ERBIN: variants seen among roughly 807,000 people sequenced by gnomAD.
ERBIN encodes densin-180-like protein.
Under a neutral mutation model 158.4 loss-of-function variants are expected in ERBIN, and 60 were observed. The ratio of observed to expected loss-of-function variants is 0.38; its 90% CI spans 0.31 to 0.47. The LOEUF (loss-of-function observed/expected upper bound fraction) is 0.47, where lower values mean the gene tolerates loss of function less well. ERBIN is among the 20% of genes least tolerant of loss of function. ERBIN has a pLI of 0.99. For missense variants in ERBIN, 1,610 were observed against 1,648.0 expected (o/e 0.98, Z 0.40); for synonymous variants, 594 against 557.2 (o/e 1.07, Z -0.93).
intron 1 of ERBIN, among the ~76,000 whole-genome samples, chr5:65,954,753 T>A (rs1746895850): frequency 6.6e-6 from 1 of 150,908 alleles, no homozygotes; most frequent in Non-Finnish European, 1.5e-5. Context: ...AATGAGGTTT[T>A]TCAGAACTGA....
rs150470177 is a variant in ERBIN, at chr5:65,960,814, G to T, written c.-57-27821G>T. ...GTGTGTAAAAAAACTCCATCCCTTT[G>T]TCTTTATATGTTTACAGTTAGGTTC... is the stretch of plus-strand genomic sequence containing the variant. On this transcript the variant is annotated intron_variant, in intron 1 of 25. Coordinates refer to ENST00000284037, the MANE Select transcript of ERBIN (RefSeq NM_001253697.2). Among the ~76,000 whole-genome samples, 29 of 152,134 alleles carry T rather than the reference G, an allele frequency of 1.9e-4. No individual in the cohort carries two copies. The East Asian group carries it at 5.0e-3, about 26-fold the overall frequency.
At chr5:65,998,703 C>A (rs768109507) in intron 4 of ERBIN, among the ~76,000 whole-genome samples, 1 of 151,712 alleles carries the variant, frequency 6.6e-6, no homozygotes, top group Non-Finnish European at 1.5e-5. Context: ...TTGAGATCAG[C>A]CTGGGCGACA....
Position 66,053,417 on chromosome 5 carries a change from A to G in ERBIN, c.2099A>G (p.Glu700Gly). The stretch of plus-strand genomic sequence containing the variant: ...TATCTTTATTTTAGGCAAGAAGATG[A>G]AAATTTTAACAGCCTTTTACAAAAT... ...DINSKIRQED[E>G]NFNSLLQNGD... is the part of the protein sequence containing the mutation. Residue 700 changes from glutamate (E) to glycine (G), a missense_variant, in exon 21 of 26, where the codon GAA (glutamate) becomes GGA (glycine). By Grantham distance (98) the Glu-to-Gly change is moderately conservative. Transcript: ENST00000284037. 1 of 1,460,736 alleles carries G rather than the reference A, an allele frequency of 6.8e-7. No homozygotes were observed. Among genetic ancestry groups the G allele is most frequent in the Non-Finnish European group, 9.1e-7 (1 of 1,104,872 alleles). 90.5% of individuals were successfully genotyped at this position (1,460,736 alleles called of 1,614,324 possible).
At chr5:66,069,132 G>T in intron 21 of ERBIN, 4 of 964,184 alleles carry the variant, frequency 4.1e-6, no homozygotes, top group Non-Finnish European at 5.8e-6. Context: ...TAGAAACCTT[G>T]ATTTCCTCTG....
chr5:66,024,799 T>A (rs1198838450), intron 10 of ERBIN, among the ~76,000 whole-genome samples: 1 of 152,128 alleles, frequency 6.6e-6, no homozygotes, highest in Non-Finnish European at 1.5e-5. Context: ...AGAAAACAGA[T>A]CAGTTGAACA....
At chr5:65,941,983 G>C (rs1580094896) in intron 1 of ERBIN, among the ~76,000 whole-genome samples, 3 of 152,102 alleles carry the variant, frequency 2.0e-5, no homozygotes, top group South Asian at 4.1e-4. Flanking sequence ...CTCGTGATGC[G>C]CCCGCCTCGG....
At chr5:66,073,696 A>G (rs973574553) in intron 22 of ERBIN, among the ~76,000 whole-genome samples, 2 of 152,144 alleles carry the variant, frequency 1.3e-5, no homozygotes, top group African/African-American at 2.4e-5. Context: ...AAACTTTTCT[A>G]TTTGGGTTAA....
Position 66,054,137 on chromosome 5 carries a change from C to G in ERBIN, c.2819C>G (p.Thr940Arg), listed in dbSNP as rs892983849. Residue 940 changes from threonine (T) to arginine (R), a missense_variant, in exon 21 of 26, where the codon ACA becomes AGA. Thr to Arg is a moderately conservative substitution (Grantham distance 71, BLOSUM62 -1). Transcript: ENST00000284037. ...SSSSSDLISG[T>R]KAIFKFDSNH... Reference sequence around the variant, plus strand: ...TCATCTTCTGATTTAATATCAGGAACAAAGGCAATTTTCAAGTTTGATTCA... The same window carrying G: ...TCATCTTCTGATTTAATATCAGGAAGAAAGGCAATTTTCAAGTTTGATTCA... 6.2e-7 allele frequency: 1 copy of G among 1,614,102 alleles called. No homozygotes were observed. The highest frequency in any genetic ancestry group is 1.7e-5 in the Admixed American group (1 of 60,016).
chr5:65,935,331 C>T (rs1743945386), intron 1 of ERBIN, among the ~76,000 whole-genome samples: 1 of 152,120 alleles, frequency 6.6e-6, no homozygotes, highest in African/African-American at 2.4e-5. Flanking sequence ...TAATCCAGCA[C>T]CACCAGGTTC....
At chr5:66,057,457 T>C (rs1759718060) in intron 21 of ERBIN, among the ~76,000 whole-genome samples, 1 of 152,160 alleles carries the variant, frequency 6.6e-6, no homozygotes, top group Non-Finnish European at 1.5e-5. Context: ...TATTGTGCAA[T>C]AGGTTATTTT....
At chr5:66,023,507 T>G in intron 9 of ERBIN, 143 bp downstream of exon 9, 2 of 508,108 alleles carry the variant, frequency 3.9e-6, no homozygotes, top group South Asian at 7.7e-5. Flanking sequence ...CTTTTTTTCA[T>G]GAGCACATTC....
At chr5:66,011,538 T>G (rs1170283975) in intron 4 of ERBIN, among the ~76,000 whole-genome samples, 3 of 152,046 alleles carry the variant, frequency 2.0e-5, no homozygotes, top group Non-Finnish European at 4.4e-5. Context: ...AATACAAAAA[T>G]TAGCTGGGCA....
intron 1 of ERBIN, among the ~76,000 whole-genome samples, chr5:65,947,102 A>C (rs1044311204): frequency 1.3e-5 from 2 of 152,092 alleles, no homozygotes; most frequent in Non-Finnish European, 2.9e-5. Flanking sequence ...TTTAATTTTG[A>C]TGAAATCCCA....
At chr5:66,023,441 A>G (rs1755905462) in intron 9 of ERBIN, 77 bp downstream of exon 9, 1 of 767,194 alleles carries the variant, frequency 1.3e-6, no homozygotes, top group South Asian at 2.2e-5. Flanking sequence ...ACCTTTTATA[A>G]TTACTTTTAA....
intron 19 of ERBIN, among the ~76,000 whole-genome samples, chr5:66,049,000 A>G (rs895199572): frequency 1.3e-5 from 2 of 152,162 alleles, no homozygotes; most frequent in South Asian, 4.1e-4. Context: ...TTATAAAGGC[A>G]TGGACTTTAC....
At chr5:66,004,044 G>A (rs917825099) in intron 4 of ERBIN, among the ~76,000 whole-genome samples, 39 of 150,128 alleles carry the variant, frequency 2.6e-4, no homozygotes, top group African/African-American at 9.3e-4. Context: ...CTCAAGGGAG[G>A]CTTCCCCCTC....
intron 21 of ERBIN, among the ~76,000 whole-genome samples, chr5:66,058,826 G>C (rs1759919782): frequency 6.6e-6 from 1 of 151,864 alleles, no homozygotes; most frequent in Non-Finnish European, 1.5e-5. Flanking sequence ...TGTCAGGTTT[G>C]TCAAAGATCA....
chr5:65,988,414 AAT>A (rs1329018494), intron 1 of ERBIN, among the ~76,000 whole-genome samples: 1 of 150,998 alleles, frequency 6.6e-6, no homozygotes, highest in Admixed American at 6.6e-5. Flanking sequence ...GAAGCTGGTA[AAT>A]ATGTGTGTGT....
rs1762393945 is a variant in ERBIN at position 66,081,715 on chromosome 5, G to A, written c.*3185G>A. ...AAAGGGAGGCATTAAGATGGGAAAT[G>A]TTTCTCTGATGGAGATTGACGTGTG... On this transcript the variant is annotated 3_prime_UTR_variant, in exon 26 of 26. Coordinates refer to ENST00000284037, the MANE Select transcript of ERBIN (RefSeq NM_001253697.2). 1 of 152,032 alleles carries A rather than the reference G, an allele frequency of 6.6e-6. No individual in the cohort carries two copies. The allele number at this position is 152,032 out of a possible 1,614,324, so 9.4% of individuals were successfully genotyped here. A position where few individuals can be genotyped will look rare whatever the true frequency, so the allele number is the denominator to read the frequency against.
Sources: allele counts gnomAD v4.1 joint callset (sites outside exome capture counted in the v4.1 genomes callset), GRCh38; gene constraint gnomAD v4.1.1; transcripts MANE v1.5; gene names NCBI Gene and HGNC (gene_info 2026-07-23, HGNC 2026-07-21).